Variants in LCN9 observed in about 807,000 individuals in gnomAD.
LCN9 encodes lipocalin 9.
LCN9 carries 22 observed loss-of-function variants against 18.5 expected under a neutral mutation model. The ratio of observed to expected loss-of-function variants is 1.19; its 90% confidence interval spans 0.85 to 1.70. LCN9 has a LOEUF of 1.70. Among genes scored for constraint, LCN9 ranks in the 40% most tolerant of loss-of-function variants. The probability of loss-of-function intolerance (pLI) is 0.00; values close to 1 mark genes in which losing one functional copy is unlikely to be tolerated. For missense variants in LCN9, 202 were observed against 201.3 expected (o/e 1.00, Z -0.02); for synonymous variants, 89 against 83.0 (o/e 1.07, Z -0.39).
In LCN9 at chr9:135,665,778, G is replaced by A. The variant is rs1309304819; in HGVS notation, c.*9+26G>A. The A allele has an allele frequency of 6.2e-7, 1 of 1,612,676 alleles. No homozygotes were observed. Among genetic ancestry groups the A allele is most frequent in the East Asian group, 2.2e-5 (1 of 44,862 alleles). Reference sequence around the variant, plus strand: ...GTCAGCCCCACTGCTCCCGGACCAAGCGGGAGCCGGGACAGGGTGGGGATG... The same window carrying A: ...GTCAGCCCCACTGCTCCCGGACCAAACGGGAGCCGGGACAGGGTGGGGATG... On this transcript the variant is annotated intron_variant, in intron 5 of 5. Transcript: ENST00000619315. This position sits in a 1 kb window ranked among gnomAD's most constrained non-coding sequence, Gnocchi z 5.9.
At chr9:135,663,844 G>T (rs1180052636) in intron 1 of LCN9, among the ~76,000 whole-genome samples, 8 of 59,436 alleles carry the variant, frequency 1.3e-4, no homozygotes, top group Middle Eastern at 0.018. Flanking sequence ...GGCAGAGGGG[G>T]CCCTGGAAGG....
chr9:135,665,521 A>G lies in LCN9; in HGVS notation c.418+166A>G, dbSNP rs906886974. 12 of 825,108 alleles carry G rather than the reference A, an allele frequency of 1.5e-5. No homozygotes were observed. Among genetic ancestry groups the G allele is most frequent in the African/African-American group, 3.4e-5 (2 of 58,952 alleles). 51.1% of individuals were successfully genotyped at this position (825,108 alleles called of 1,614,324 possible). Reference sequence around the variant, plus strand: ...CACCGTTAGGGTGCTGGGTGCTTCAATCTGTCACCTCCCATCTCACTTGGC... The same window carrying G: ...CACCGTTAGGGTGCTGGGTGCTTCAGTCTGTCACCTCCCATCTCACTTGGC... On this transcript the variant is annotated intron_variant, in intron 4 of 5. Coordinates refer to ENST00000619315, the Ensembl canonical transcript of LCN9. This position sits in a 1 kb window ranked among gnomAD's most constrained non-coding sequence, Gnocchi z 5.9.
At chr9:135,663,714 G>A (rs1834158212) in intron 1 of LCN9, among the ~76,000 whole-genome samples, 1 of 149,202 alleles carries the variant, frequency 6.7e-6, no homozygotes, top group African/African-American at 2.5e-5. Context: ...AGAGGACAGA[G>A]GGGTTCCTAG....
At position 135,664,517 on chromosome 9, in the gene LCN9, G is replaced by A. The variant is rs1347769938; in HGVS notation, c.234-205G>A. The stretch of plus-strand genomic sequence containing the variant: ...TTCCCTGAAACATAGAGATGAAATC[G>A]CCCCCTTCCAAGGCTGGGGTGAGGT... On this transcript the variant is annotated intron_variant, in intron 2 of 5. Coordinates refer to ENST00000619315, the Ensembl canonical transcript of LCN9. This position sits in a 1 kb window ranked among gnomAD's most constrained non-coding sequence, Gnocchi z 4.5. Among the ~76,000 whole-genome samples, 5 of 152,034 alleles carry A rather than the reference G, an allele frequency of 3.3e-5. No homozygotes were observed. The highest frequency in any genetic ancestry group is 5.9e-5 in the Non-Finnish European group (4 of 68,006).
chr9:135,664,229 A>T lies in LCN9; in HGVS notation c.164A>T (p.Asp55Val). ...CTGAATCGGATTAAAGAAAATGGAG[A>T]CCTGAGGGTCTTCGTCCGGAATATT... The change falls in exon 2 of 6, where the codon GAC (aspartate) becomes GTC (valine). Residue 55 changes from aspartate to valine, a missense_variant. Coordinates refer to ENST00000619315, the Ensembl canonical transcript of LCN9. This position sits in a 1 kb window ranked among gnomAD's most constrained non-coding sequence, Gnocchi z 4.5. 1 of 1,613,548 alleles carries T rather than the reference A, an allele frequency of 6.2e-7. No individual in the cohort carries two copies. Among genetic ancestry groups the T allele is most frequent in the Non-Finnish European group, 8.5e-7 (1 of 1,179,708 alleles).
chr9:135,663,881 G>C (rs1311366117), intron 1 of LCN9, among the ~76,000 whole-genome samples: 1 of 122,698 alleles, frequency 8.2e-6, no homozygotes, highest in Non-Finnish European at 1.7e-5. Flanking sequence ...GAGCAGAGGG[G>C]GGACCTTGGG....
In LCN9 at chr9:135,664,194, C is replaced by G; in HGVS notation, c.129C>G (p.Ala43=). ...GGGTCTGGTATTCTATTTTCATGGC[C>G]TCAGATGACCTGAATCGGATTAAAG... Residue 43 remains alanine, a synonymous_variant, in exon 2 of 6, where the codon GCC becomes GCG. Coordinates refer to ENST00000619315, the Ensembl canonical transcript of LCN9. This position sits in a 1 kb window ranked among gnomAD's most constrained non-coding sequence, Gnocchi z 4.5. 1 of 1,613,742 alleles carries G rather than the reference C, an allele frequency of 6.2e-7. No homozygotes were observed. The highest frequency in any genetic ancestry group is 8.5e-7 in the Non-Finnish European group (1 of 1,179,752).
In LCN9 at chr9:135,665,697, A is replaced by C. The variant is rs1834207135; in HGVS notation, c.428A>C (p.Lys143Thr). The change falls in exon 5 of 6, where the codon AAA becomes ACA. Residue 143 changes from lysine (K) to threonine (T), a missense_variant. Lys to Thr is a moderately conservative substitution (Grantham distance 78, BLOSUM62 -1). Transcript: ENST00000619315. This position sits in a 1 kb window ranked among gnomAD's most constrained non-coding sequence, Gnocchi z 5.9. ...CCTCCTTCCTGAGCAGATTTGAAGA[A>C]ACCTGCGAAAAGTACGGACTTGGCT... 1.2e-6 allele frequency: 2 copies of C among 1,612,958 alleles called. No homozygotes were observed. Among genetic ancestry groups the C allele is most frequent in the Admixed American group, 1.7e-5 (1 of 59,878 alleles).
chr9:135,666,427 C>T (rs1318950715), exon 6 of LCN9: 2 of 353,784 alleles, frequency 5.7e-6, no homozygotes, highest in Non-Finnish European at 1.0e-5. Flanking sequence ...GATCTCCCGT[C>T]AAGACCTCAA....
Position 135,664,162 on chromosome 9 carries a change from GT to G in LCN9, c.100del (p.Ser34GlnfsTer14). On this transcript the variant is annotated frameshift_variant and splice_region_variant, in exon 2 of 6. Coordinates refer to ENST00000619315, the Ensembl canonical transcript of LCN9. LOFTEE classifies it high-confidence loss of function. The surrounding 1 kb of genome is among the most constrained non-coding windows in gnomAD (Gnocchi z 4.5). ...ACCCACTGGAGCTCTTTGTCTTCAG[GT>G]TTCAGGGGTCTGGTATTCTATTTTC... 1 of 1,613,480 alleles carries G rather than the reference GT, an allele frequency of 6.2e-7. No homozygotes were observed. Among genetic ancestry groups the G allele is most frequent in the Non-Finnish European group, 8.5e-7 (1 of 1,179,632 alleles).
rs114889836 is a variant in LCN9 at position 135,665,241 on chromosome 9, G to A, written c.308-4G>A. Reference sequence around the variant, plus strand: ...AGGCCACGCTGAGCCATGTCTCCACGCAGATGAGGGCCAGAACACAGTGGC... The same window carrying A: ...AGGCCACGCTGAGCCATGTCTCCACACAGATGAGGGCCAGAACACAGTGGC... On this transcript the variant is annotated splice_region_variant and splice_polypyrimidine_tract_variant and intron_variant, in intron 3 of 5. Transcript: ENST00000619315. The surrounding 1 kb of genome is among the most constrained non-coding windows in gnomAD (Gnocchi z 5.9). 2,479 of 1,577,036 alleles carry A rather than the reference G, an allele frequency of 1.6e-3. 29 individuals are homozygous for A. The African/African-American group carries it at 0.028, about 18-fold the overall frequency.
rs549361513 is a variant in LCN9 at position 135,665,835 on chromosome 9, G to A, written c.*10-26G>A. 48 of 1,612,264 alleles carry A rather than the reference G, an allele frequency of 3.0e-5. 2 individuals are homozygous for A. The highest frequency in any genetic ancestry group is 2.5e-4 in the East Asian group (11 of 44,802). On this transcript the variant is annotated intron_variant, in intron 5 of 5. Coordinates refer to ENST00000619315, the Ensembl canonical transcript of LCN9. This position sits in a 1 kb window ranked among gnomAD's most constrained non-coding sequence, Gnocchi z 5.9. ...GTGCCTGCGGGGTCCCTGTCCCTGC[G>A]CTGAGAGCCCCCTCTGTCCTTCCAG... is the stretch of plus-strand genomic sequence containing the variant.
intron 1 of LCN9, 112 bp downstream of exon 1, chr9:135,663,529 C>A: frequency 1.2e-6 from 1 of 848,526 alleles, no homozygotes; most frequent in Non-Finnish European, 1.9e-6. Context: ...GGGGAGCCCA[C>A]CTCTCCTCCC....
rs767069471 is a variant in LCN9 at position 135,664,223 on chromosome 9, AT to A, written c.159del (p.Asn53LysfsTer4). 2.7e-5 allele frequency: 44 copies of A among 1,613,708 alleles called. No homozygotes were observed. The African/African-American group carries it at 5.7e-4, about 21-fold the overall frequency. The stretch of plus-strand genomic sequence containing the variant: ...GATGACCTGAATCGGATTAAAGAAA[AT>A]GGAGACCTGAGGGTCTTCGTCCGGA... On this transcript the variant is annotated frameshift_variant, in exon 2 of 6. Coordinates refer to ENST00000619315, the Ensembl canonical transcript of LCN9. LOFTEE classifies it high-confidence loss of function. The surrounding 1 kb of genome is among the most constrained non-coding windows in gnomAD (Gnocchi z 4.5).
In LCN9 at chr9:135,664,327, A is replaced by T; in HGVS notation, c.233+29A>T. On this transcript the variant is annotated intron_variant, in intron 2 of 5. Transcript: ENST00000619315. This position sits in a 1 kb window ranked among gnomAD's most constrained non-coding sequence, Gnocchi z 4.5. ...CGTGTTGCCCATCTCAGCTGGCATC[A>T]GGAAGACCCATGCCCCTGCCACCCC... The T allele has an allele frequency of 6.2e-7, 1 of 1,613,148 alleles. No homozygotes were observed. Among genetic ancestry groups the T allele is most frequent in the Non-Finnish European group, 8.5e-7 (1 of 1,179,570 alleles).
chr9:135,663,479 G>A, intron 1 of LCN9, 62 bp downstream of exon 1: 1 of 1,487,450 alleles, frequency 6.7e-7, no homozygotes, highest in Non-Finnish European at 9.4e-7. Flanking sequence ...TCTTCCCCCA[G>A]CCTGGGGTCT....
Position 135,665,182 on chromosome 9 carries a change from G to A in LCN9, c.308-63G>A. On this transcript the variant is annotated intron_variant, in intron 3 of 5. Coordinates refer to ENST00000619315, the Ensembl canonical transcript of LCN9. The surrounding 1 kb of genome is among the most constrained non-coding windows in gnomAD (Gnocchi z 5.9). ...CCCCATCCTCACTTGCGGCCACACAGCACGTGTCACAGGACCCTGAGGGTG... is the reference window on the plus strand; with the variant it reads ...CCCCATCCTCACTTGCGGCCACACAACACGTGTCACAGGACCCTGAGGGTG... 8.7e-7 allele frequency: 1 copy of A among 1,148,414 alleles called. No homozygotes were observed. The highest frequency in any genetic ancestry group is 1.3e-6 in the Non-Finnish European group (1 of 781,666). 71.1% of individuals were successfully genotyped at this position (1,148,414 alleles called of 1,614,324 possible).
chr9:135,663,385 A>G, exon 1 of LCN9: 1 of 1,613,872 alleles, frequency 6.2e-7, no homozygotes, highest in Non-Finnish European at 8.5e-7. Context: ...CGATCCCCAC[A>G]CCGTTATGCA....
chr9:135,665,946 G>T lies in LCN9; in HGVS notation c.*95G>T. 1 of 1,603,542 alleles carries T rather than the reference G, an allele frequency of 6.2e-7. No homozygotes were observed. ...TCGGGACGGGCAGGGGGCTGGATGGGGAGAGCTTGGGGCCAACGTCAGAGG... is the reference window on the plus strand; with the variant it reads ...TCGGGACGGGCAGGGGGCTGGATGGTGAGAGCTTGGGGCCAACGTCAGAGG... On this transcript the variant is annotated 3_prime_UTR_variant, in exon 6 of 6. Coordinates refer to ENST00000619315, the Ensembl canonical transcript of LCN9. This position sits in a 1 kb window ranked among gnomAD's most constrained non-coding sequence, Gnocchi z 5.9.
Sources: allele counts gnomAD v4.1 joint callset (sites outside exome capture counted in the v4.1 genomes callset), GRCh38; gene constraint gnomAD v4.1.1; non-coding constraint Gnocchi (gnomAD v3.1); transcripts MANE v1.5; gene names NCBI Gene and HGNC (gene_info 2026-07-23, HGNC 2026-07-21).